HEATR3: variants seen among roughly 807,000 people sequenced by gnomAD.
HEATR3 encodes HEAT repeat-containing protein 3.
HEATR3 carries 56 observed loss-of-function variants against 72.8 expected under a neutral mutation model. The ratio of observed to expected loss-of-function variants is 0.77; its 90% CI spans 0.62 to 0.96. HEATR3 has a LOEUF of 0.96. Among genes scored for constraint, HEATR3 ranks in the 40% least tolerant of loss-of-function variants. The pLI is 0.00. For synonymous variants in HEATR3, 331 were observed against 318.1 expected (o/e 1.04, Z -0.43); for missense variants, 747 against 831.4 (o/e 0.90, Z 1.25).
chr16:50,103,367 A>G lies in HEATR3; in HGVS notation c.1920+932A>G, dbSNP rs2037410056. ...TCTAATGAGATTTCTTCCTAGCCAG[A>G]GGCTAGCCTGTAGTTATTTATGTGA... On this transcript the variant is annotated intron_variant, in intron 14 of 14. Coordinates refer to ENST00000299192, the MANE Select transcript of HEATR3 (RefSeq NM_182922.4). 2.0e-5 allele frequency among the ~76,000 whole-genome samples: 3 copies of G among 152,230 alleles called. No individual in the cohort carries two copies. In the South Asian group the frequency reaches 6.2e-4, roughly 31 times the overall value.
intron 10 of HEATR3, among the ~76,000 whole-genome samples, chr16:50,084,892 A>T (rs571523865): frequency 6.6e-6 from 1 of 152,314 alleles, no homozygotes; most frequent in East Asian, 1.9e-4. Flanking sequence ...TTAGAATGGT[A>T]AATAAATTTT....
chr16:50,067,904 A>G (rs921184863), intron 2 of HEATR3, among the ~76,000 whole-genome samples: 1 of 152,224 alleles, frequency 6.6e-6, no homozygotes, highest in African/African-American at 2.4e-5. Flanking sequence ...CATTAACCAA[A>G]CAGTTACATA....
intron 6 of HEATR3, among the ~76,000 whole-genome samples, chr16:50,077,011 G>T (rs1237115610): frequency 6.6e-6 from 1 of 151,818 alleles, no homozygotes; most frequent in African/African-American, 2.4e-5. Flanking sequence ...GGGACTACAG[G>T]TGCCTGCCAC....
intron 7 of HEATR3, among the ~76,000 whole-genome samples, chr16:50,080,467 A>G (rs1305797071): frequency 6.6e-6 from 1 of 151,644 alleles, no homozygotes; most frequent in East Asian, 1.9e-4. Context: ...TAGCCTCCCA[A>G]GTAGCTGGGA....
chr16:50,066,320 C>T, intron 1 of HEATR3, 47 bp from the exon 2 acceptor site: 1 of 1,565,270 alleles, frequency 6.4e-7, no homozygotes. Context: ...TTGCCCCGCG[C>T]GCGTGCGCAT....
chr16:50,086,252 C>G lies in HEATR3; in HGVS notation c.1411C>G (p.Gln471Glu), dbSNP rs775842850. 6.3e-7 allele frequency: 1 copy of G among 1,581,168 alleles called. No individual in the cohort carries two copies. The highest frequency in any genetic ancestry group is 1.8e-5 in the Admixed American group (1 of 55,642). ...TIQCRALFCL[Q>E]SLVSLLDVEH... ...TCAGTGCAGAGCCCTCTTCTGTCTC[C>G]AGAGTCTTGTGTCCCTCCTGGATGT... Residue 471 changes from glutamine to glutamate, a missense_variant, in exon 11 of 15, where the codon CAG (glutamine) becomes GAG (glutamate). Physicochemically the swap from Gln to Glu is conservative, Grantham distance 29. Coordinates refer to ENST00000299192, the MANE Select transcript of HEATR3 (RefSeq NM_182922.4).
chr16:50,094,845 G>A (rs1210066878), intron 12 of HEATR3, 52 bp downstream of exon 12: 2 of 1,026,430 alleles, frequency 1.9e-6, no homozygotes, highest in South Asian at 1.5e-5. Flanking sequence ...GTGTATTATG[G>A]AGGCAAAATT....
intron 13 of HEATR3, among the ~76,000 whole-genome samples, chr16:50,101,114 T>TC (rs2037355346): frequency 6.8e-6 from 1 of 147,508 alleles, no homozygotes; most frequent in Non-Finnish European, 1.5e-5. Context: ...AGCTTTTTTT[T>TC]TTTTCTTTTT....
At chr16:50,092,233 G>A (rs2037129303) in intron 11 of HEATR3, among the ~76,000 whole-genome samples, 1 of 151,840 alleles carries the variant, frequency 6.6e-6, no homozygotes, top group South Asian at 2.1e-4. Context: ...CTACTCGGGA[G>A]GCTGAGGCAG....
At chr16:50,076,307 C>G (rs2036726492) in intron 6 of HEATR3, among the ~76,000 whole-genome samples, 1 of 151,876 alleles carries the variant, frequency 6.6e-6, no homozygotes, top group Non-Finnish European at 1.5e-5. Flanking sequence ...CATGCCTCAG[C>G]CTCCCAAGTA....
In HEATR3 at chr16:50,088,965, G is replaced by C. The variant is rs560783066; in HGVS notation, c.1510+2614G>C. The stretch of plus-strand genomic sequence containing the variant: ...CGGTCCCATCCCCAGGCAGCACACA[G>C]AGGTTATTTCACTTGAAACAAACTC... On this transcript the variant is annotated intron_variant, in intron 11 of 14. Transcript: ENST00000299192. Among the ~76,000 whole-genome samples the C allele has an allele frequency of 2.6e-5, 4 of 152,300 alleles. No homozygotes were observed. In the East Asian group the frequency reaches 5.8e-4, roughly 22 times the overall value.
intron 13 of HEATR3, chr16:50,100,579 A>G (rs1056418547): frequency 7.0e-5 from 36 of 516,936 alleles, no homozygotes; most frequent in African/African-American, 5.2e-4. Context: ...GTTGAGCCAC[A>G]TTTTACAATT....
At chr16:50,068,928 A>G in intron 3 of HEATR3, 61 bp downstream of exon 3, 4 of 1,242,676 alleles carry the variant, frequency 3.2e-6, no homozygotes, top group Non-Finnish European at 4.7e-6. Context: ...GACTTTTTTT[A>G]GTACTTTGGT....
rs762367697 is a variant in HEATR3, at chr16:50,105,094, A to T, written c.*33A>T. ...AAAAAAGAAACCAGTTCTTCCCCCA[A>T]AGTATTCAATGCTTAGAATACTAAA... is the stretch of plus-strand genomic sequence containing the variant. On this transcript the variant is annotated 3_prime_UTR_variant, in exon 15 of 15. Coordinates refer to ENST00000299192, the MANE Select transcript of HEATR3 (RefSeq NM_182922.4). The T allele has an allele frequency of 6.3e-7, 1 of 1,599,426 alleles. No homozygotes were observed. Among genetic ancestry groups the T allele is most frequent in the East Asian group, 2.2e-5 (1 of 44,680 alleles).
At chr16:50,071,377 T>C (rs1423284713) in intron 4 of HEATR3, among the ~76,000 whole-genome samples, 4 of 152,224 alleles carry the variant, frequency 2.6e-5, no homozygotes, top group Non-Finnish European at 4.4e-5. Flanking sequence ...ACCAGAAATA[T>C]TAGAGAGATC....
chr16:50,067,546 G>A (rs1455128228), intron 2 of HEATR3, among the ~76,000 whole-genome samples: 2 of 152,104 alleles, frequency 1.3e-5, no homozygotes, highest in Non-Finnish European at 2.9e-5. Flanking sequence ...AGAAGAGCAG[G>A]GGTGGGTAAT....
chr16:50,080,193 C>T (rs992420990), intron 7 of HEATR3: 8 of 152,062 alleles, frequency 5.3e-5, no homozygotes, highest in Non-Finnish European at 8.8e-5. Flanking sequence ...TCTCGGGAAG[C>T]GTAAATTGAT....
In HEATR3 at chr16:50,102,493, T is replaced by G. The variant is rs754072306; in HGVS notation, c.1920+58T>G. 30 of 1,501,136 alleles carry G rather than the reference T, an allele frequency of 2.0e-5. No homozygotes were observed. In the East Asian group the frequency reaches 6.3e-4, roughly 32 times the overall value. 93.0% of individuals were successfully genotyped at this position (1,501,136 alleles called of 1,614,324 possible). On this transcript the variant is annotated intron_variant, in intron 14 of 14. Transcript: ENST00000299192. ...TCTGAACATTCTGTGGGGACAAGGG[T>G]GTGTGTAGTTACCGCTGTGCAACTC...
Position 50,066,052 on chromosome 16 carries a change from C to G in HEATR3, c.-80C>G. ...GGCCCAGCTGAGCAGCAGCAACGGA[C>G]CTTGTTAACGGCGCGGCAGCCTCCA... On this transcript the variant is annotated 5_prime_UTR_variant, in exon 1 of 15. Transcript: ENST00000299192. 4.1e-6 allele frequency: 6 copies of G among 1,475,454 alleles called. No homozygotes were observed. The South Asian group carries it at 7.3e-5, about 18-fold the overall frequency. The allele number at this position is 1,475,454 out of a possible 1,614,324, so 91.4% of individuals were successfully genotyped here. A position where few individuals can be genotyped will look rare whatever the true frequency, so the allele number is the denominator to read the frequency against.
Sources: gnomAD v4.1 joint callset for allele counts (sites outside exome capture counted in the v4.1 genomes callset) on GRCh38, gnomAD v4.1.1 for gene constraint, MANE v1.5 for transcripts, NCBI Gene and HGNC (gene_info 2026-07-23, HGNC 2026-07-21) for gene names.